Variants in FBXW2 observed in about 807,000 individuals in gnomAD.
The protein encoded by FBXW2 is F-box and WD repeat domain containing 2.
Under a neutral mutation model 46.0 loss-of-function variants are expected in FBXW2, and 12 were observed. The observed-to-expected ratio is 0.26, with a 90% CI of 0.17 to 0.42. The LOEUF is 0.42. Ranked by LOEUF, FBXW2 falls within the 10% of genes least tolerant of loss-of-function variation. The pLI is 1.00. For synonymous variants in FBXW2, 203 were observed against 209.6 expected (o/e 0.97, Z 0.27); for missense variants, 360 against 537.0 (o/e 0.67, Z 3.26).
intron 2 of FBXW2, among the ~76,000 whole-genome samples, chr9:120,789,069 A>G (rs1361501474): frequency 6.6e-6 from 1 of 152,152 alleles, no homozygotes; most frequent in Non-Finnish European, 1.5e-5. Context: ...AAAGCAAATT[A>G]ATAATCCTGA....
chr9:120,789,086 T>C (rs1268043108), intron 2 of FBXW2, among the ~76,000 whole-genome samples: 2 of 151,896 alleles, frequency 1.3e-5, no homozygotes, highest in East Asian at 3.9e-4. Context: ...CTGATGTTTA[T>C]AAAACACCAG....
At chr9:120,779,564 T>C (rs1393193586) in intron 3 of FBXW2, among the ~76,000 whole-genome samples, 1 of 152,224 alleles carries the variant, frequency 6.6e-6, no homozygotes, top group African/African-American at 2.4e-5. Context: ...ACTGTATTTA[T>C]TGTCACTTTG....
chr9:120,771,623 C>T (rs1564452664), intron 6 of FBXW2, 106 bp from the exon 7 acceptor site: 16 of 925,198 alleles, frequency 1.7e-5, no homozygotes, highest in Middle Eastern at 3.3e-4. Context: ...GTGAAGTATA[C>T]TGGAAAGACC....
At chr9:120,777,851 G>A (rs2044531156) in intron 4 of FBXW2, among the ~76,000 whole-genome samples, 1 of 152,084 alleles carries the variant, frequency 6.6e-6, no homozygotes, top group Non-Finnish European at 1.5e-5. Flanking sequence ...TTATCTCTAG[G>A]TGGTAGCTTG....
rs905695362 is a variant in FBXW2, at chr9:120,762,196, T to C, written c.*2363A>G. The stretch of plus-strand genomic sequence containing the variant: ...CTCTACTAAAAATATAAAAATTAGT[T>C]GGGTGTCATGGCAGATGCTTGTAAT... On this transcript the variant is annotated 3_prime_UTR_variant, in exon 8 of 8. Coordinates refer to ENST00000608872, the MANE Select transcript of FBXW2 (RefSeq NM_012164.4). 6.6e-6 allele frequency: 1 copy of C among 152,080 alleles called. No homozygotes were observed. Among genetic ancestry groups the C allele is most frequent in the African/African-American group, 2.4e-5 (1 of 41,398 alleles). 9.4% of individuals were successfully genotyped at this position (152,080 alleles called of 1,614,324 possible).
intron 2 of FBXW2, among the ~76,000 whole-genome samples, chr9:120,791,029 C>G (rs536045096): frequency 2.0e-5 from 3 of 152,262 alleles, no homozygotes; most frequent in Non-Finnish European, 4.4e-5. Flanking sequence ...TCTGATTATT[C>G]TGAAAAAGGC....
intron 7 of FBXW2, among the ~76,000 whole-genome samples, chr9:120,766,911 TG>T (rs1014646782): frequency 6.6e-6 from 1 of 152,206 alleles, no homozygotes; most frequent in African/African-American, 2.4e-5. Context: ...GAGTGCTGGC[TG>T]GGCCCCTGAA....
chr9:120,772,060 G>GA (rs59520792), intron 6 of FBXW2, among the ~76,000 whole-genome samples: 12,555 of 51,300 alleles, frequency 0.24, 1,372 homozygotes, highest in African/African-American at 0.31. Context: ...CCCTGTCTCA[G>GA]AAAAAAAAAA....
intron 2 of FBXW2, among the ~76,000 whole-genome samples, chr9:120,791,451 G>T (rs1336388028): frequency 6.6e-6 from 1 of 152,196 alleles, no homozygotes; most frequent in East Asian, 1.9e-4. Context: ...TTAAGCTTCA[G>T]TTTTATCATC....
chr9:120,775,697 T>C (rs564523031), intron 5 of FBXW2, among the ~76,000 whole-genome samples: 4 of 152,300 alleles, frequency 2.6e-5, no homozygotes, highest in South Asian at 2.1e-4. Flanking sequence ...AAAATGAAAA[T>C]TGCTTTTCTG....
chr9:120,790,846 T>C lies in FBXW2; in HGVS notation c.-21+2303A>G, dbSNP rs185589586. 1.9e-3 allele frequency among the ~76,000 whole-genome samples: 286 copies of C among 152,294 alleles called. 2 individuals are homozygous for C. Among genetic ancestry groups the C allele is most frequent in the African/African-American group, 6.2e-3 (259 of 41,552 alleles). ...TTAAAAAAAAAATGCCAAATTAATG[T>C]GCCCATGACACCGCTAAAGATTACG... On this transcript the variant is annotated intron_variant, in intron 2 of 7. Transcript: ENST00000608872.
chr9:120,772,879 T>C (rs372262714), intron 5 of FBXW2, 39 bp from the exon 6 acceptor site: 1 of 1,315,018 alleles, frequency 7.6e-7, no homozygotes, highest in Non-Finnish European at 1.1e-6. Flanking sequence ...ATCCTTTTAA[T>C]GCTGCTCCTA....
chr9:120,788,174 G>C lies in FBXW2; in HGVS notation c.85C>G (p.Leu29Val). ...SLTDLQKNETLDHLISLSGAV... is the reference protein window; with the variant it reads ...SLTDLQKNETVDHLISLSGAV... ...CCACTCAGACTAATCAGGTGATCCA[G>C]AGTTTCATTTTTCTGCAAGTCCGTC... The change falls in exon 3 of 8, where the codon CTG (leucine) becomes GTG (valine). Residue 29 changes from leucine to valine, a missense_variant. Leu to Val is a conservative substitution (Grantham distance 32, BLOSUM62 1). Transcript: ENST00000608872. 1 of 1,614,180 alleles carries C rather than the reference G, an allele frequency of 6.2e-7. No homozygotes were observed. The highest frequency in any genetic ancestry group is 8.5e-7 in the Non-Finnish European group (1 of 1,180,034).
intron 2 of FBXW2, chr9:120,792,289 G>A (rs759655876): frequency 1.3e-4 from 20 of 152,222 alleles, no homozygotes; most frequent in Non-Finnish European, 2.1e-4. Flanking sequence ...GCCTAGTCAA[G>A]AGTGAAAGCA....
At chr9:120,767,390 T>C (rs905239795) in intron 7 of FBXW2, among the ~76,000 whole-genome samples, 3 of 152,122 alleles carry the variant, frequency 2.0e-5, no homozygotes, top group African/African-American at 7.2e-5. Flanking sequence ...TTTGAGAACA[T>C]CCAAAATCAA....
intron 3 of FBXW2, among the ~76,000 whole-genome samples, chr9:120,785,191 T>C (rs1273452193): frequency 6.6e-6 from 1 of 151,972 alleles, no homozygotes; most frequent in African/African-American, 2.4e-5. Flanking sequence ...TATTTTTTTG[T>C]AGAGATGGGA....
In FBXW2 at chr9:120,764,809, A is replaced by T; in HGVS notation, c.1115T>A (p.Leu372His). Reference sequence around the variant, plus strand: ...CAGGGCAAAGATATCTCCAAAGCCAAGCAAGGCCAAGTTTGCTATCTCAGG... The same window carrying T: ...CAGGGCAAAGATATCTCCAAAGCCATGCAAGGCCAAGTTTGCTATCTCAGG... Reference protein sequence around the residue: ...KTPEIANLALLGFGDIFALLF... With the variant: ...KTPEIANLALHGFGDIFALLF... Residue 372 changes from leucine to histidine, a missense_variant, in exon 8 of 8, where the codon CTT becomes CAT. Coordinates refer to ENST00000608872, the MANE Select transcript of FBXW2 (RefSeq NM_012164.4). 1 of 1,602,000 alleles carries T rather than the reference A, an allele frequency of 6.2e-7. No individual in the cohort carries two copies. The highest frequency in any genetic ancestry group is 8.5e-7 in the Non-Finnish European group (1 of 1,172,078).
At chr9:120,773,283 T>C (rs1482273223) in intron 5 of FBXW2, among the ~76,000 whole-genome samples, 1 of 151,216 alleles carries the variant, frequency 6.6e-6, no homozygotes, top group Non-Finnish European at 1.5e-5. Context: ...AATTATAAAA[T>C]GTAACTTAAG....
chr9:120,770,424 C>T (rs533003898), intron 7 of FBXW2, among the ~76,000 whole-genome samples: 1 of 152,046 alleles, frequency 6.6e-6, no homozygotes, highest in African/African-American at 2.4e-5. Flanking sequence ...TTCTGTACTC[C>T]TCCAAGTCCT....
Sources: gnomAD v4.1 joint callset for allele counts (sites outside exome capture counted in the v4.1 genomes callset) on GRCh38, gnomAD v4.1.1 for gene constraint, MANE v1.5 for transcripts, NCBI Gene and HGNC (gene_info 2026-07-23, HGNC 2026-07-21) for gene names.